The following AGO4 variants were observed in gnomAD, a reference collection of about 807,000 sequenced individuals.
The protein encoded by AGO4 is protein argonaute-4.
Under a neutral mutation model 104.7 loss-of-function variants are expected in AGO4, and 33 were observed. The ratio of observed to expected loss-of-function variants is 0.32; its 90% CI spans 0.24 to 0.42. The LOEUF is 0.42. Ranked by LOEUF, AGO4 falls within the 10% of genes least tolerant of loss-of-function variation. AGO4 has a pLI of 1.00. For missense variants in AGO4, 711 were observed against 1,083.4 expected (o/e 0.66, Z 4.83); for synonymous variants, 331 against 364.7 (o/e 0.91, Z 1.05).
intron 1 of AGO4, among the ~76,000 whole-genome samples, chr1:35,811,680 T>C (rs1051882413): frequency 4.7e-4 from 72 of 152,116 alleles, no homozygotes; most frequent in Non-Finnish European, 9.9e-4. Context: ...CTCGGCTCAC[T>C]GCAGCCTCCA....
rs983739321 is a variant in AGO4, at chr1:35,857,402, G to C, written c.*3797G>C. ...CTTTCTACGTCTAGTGGCTGAAAATGTTTGCATTTGTTCATTTGACTAATG... is the reference window on the plus strand; with the variant it reads ...CTTTCTACGTCTAGTGGCTGAAAATCTTTGCATTTGTTCATTTGACTAATG... On this transcript the variant is annotated 3_prime_UTR_variant, in exon 18 of 18. Transcript: ENST00000373210. 1 of 152,148 alleles carries C rather than the reference G, an allele frequency of 6.6e-6. No individual in the cohort carries two copies. The highest frequency in any genetic ancestry group is 1.5e-5 in the Non-Finnish European group (1 of 68,020). The allele number at this position is 152,148 out of a possible 1,614,324, so 9.4% of individuals were successfully genotyped here.
chr1:35,818,653 GAAAGA>G (rs1643798365), intron 2 of AGO4, among the ~76,000 whole-genome samples: 1 of 108,394 alleles, frequency 9.2e-6, no homozygotes, highest in Non-Finnish European at 2.0e-5. Context: ...AAGAAAGAAA[GAAAGA>G]AAGGAAGAAA....
Position 35,853,706 on chromosome 1 carries a change from GTCT to G in AGO4, c.*105_*107del, listed in dbSNP as rs1279465390. 1.5e-5 allele frequency: 14 copies of G among 919,508 alleles called. No individual in the cohort carries two copies. Among genetic ancestry groups the G allele is most frequent in the Non-Finnish European group, 5.1e-6 (3 of 587,246 alleles). The allele number at this position is 919,508 out of a possible 1,614,324, so 57.0% of individuals were successfully genotyped here. On this transcript the variant is annotated 3_prime_UTR_variant, in exon 18 of 18. Transcript: ENST00000373210. ...GATCGAGCCACGTTGACTTCAGGTGGTCTTCTACCAGCAGCTCGGAATAGTTGC... is the reference window on the plus strand; with the variant it reads ...GATCGAGCCACGTTGACTTCAGGTGGTCTACCAGCAGCTCGGAATAGTTGC...
intron 1 of AGO4, among the ~76,000 whole-genome samples, chr1:35,810,376 A>T (rs1189361254): frequency 1.3e-5 from 2 of 152,144 alleles, no homozygotes; most frequent in Admixed American, 1.3e-4. Flanking sequence ...GCACACCTGG[A>T]TCTAGTGCTT....
Position 35,853,982 on chromosome 1 carries a change from T to C in AGO4, c.*377T>C, listed in dbSNP as rs1644765532. ...AAGAGAAGATTATTCCTTTTTTCTGTAGTCATTGAGTGGGGTATATGCATA... is the reference window on the plus strand; with the variant it reads ...AAGAGAAGATTATTCCTTTTTTCTGCAGTCATTGAGTGGGGTATATGCATA... On this transcript the variant is annotated 3_prime_UTR_variant, in exon 18 of 18. Transcript: ENST00000373210. The C allele has an allele frequency of 6.3e-6, 1 of 158,534 alleles. No individual in the cohort carries two copies. The highest frequency in any genetic ancestry group is 2.4e-5 in the African/African-American group (1 of 41,626). The allele number at this position is 158,534 out of a possible 1,614,324, so 9.8% of individuals were successfully genotyped here.
intron 1 of AGO4, among the ~76,000 whole-genome samples, chr1:35,809,399 A>G (rs1383779252): frequency 6.6e-6 from 1 of 152,184 alleles, no homozygotes; most frequent in Non-Finnish European, 1.5e-5. Context: ...TAATGAACTT[A>G]GTCGTAGAGT....
intron 2 of AGO4, among the ~76,000 whole-genome samples, chr1:35,822,253 A>G (rs1410442131): frequency 6.6e-6 from 1 of 151,584 alleles, no homozygotes; most frequent in Non-Finnish European, 1.5e-5. Flanking sequence ...TATCCAAGAT[A>G]GGTTATTCTT....
chr1:35,841,572 T>G lies in AGO4; in HGVS notation c.2041-44T>G. Reference sequence around the variant, plus strand: ...CATTCTGGGTAGATCTGAGAGATACTAGGCAAATTCTCAATTAAACATAAT... The same window carrying G: ...CATTCTGGGTAGATCTGAGAGATACGAGGCAAATTCTCAATTAAACATAAT... On this transcript the variant is annotated intron_variant, in intron 14 of 17. Coordinates refer to ENST00000373210, the MANE Select transcript of AGO4 (RefSeq NM_017629.4). This position sits in a 1 kb window ranked among gnomAD's most constrained non-coding sequence, Gnocchi z 4.7. 1 of 1,613,482 alleles carries G rather than the reference T, an allele frequency of 6.2e-7. No homozygotes were observed. The highest frequency in any genetic ancestry group is 8.5e-7 in the Non-Finnish European group (1 of 1,179,582).
chr1:35,841,811 C>CATATATATATATATATACATATAT lies in AGO4; in HGVS notation c.2175+78_2175+79insCATATATATATATATATATATATA. 1.7e-6 allele frequency: 1 copy of CATATATATATATATATACATATAT among 604,670 alleles called. No individual in the cohort carries two copies. The allele number at this position is 604,670 out of a possible 1,614,324, so 37.5% of individuals were successfully genotyped here. Reference sequence around the variant, plus strand: ...CTCTGGCAAGAGATGTATATATGCACATATATATATATATATATATATATA... The same window carrying CATATATATATATATATACATATAT: ...CTCTGGCAAGAGATGTATATATGCACATATATATATATATATACATATATATATATATATATATATATATATATA... On this transcript the variant is annotated intron_variant, in intron 15 of 17. Transcript: ENST00000373210. This position sits in a 1 kb window ranked among gnomAD's most constrained non-coding sequence, Gnocchi z 4.7.
intron 15 of AGO4, among the ~76,000 whole-genome samples, chr1:35,847,173 TAA>T (rs961924988): frequency 2.1e-5 from 3 of 144,954 alleles, no homozygotes; most frequent in Non-Finnish European, 1.5e-5. Flanking sequence ...GCTGATGGGC[TAA>T]AAAAAAAAAT....
rs1341477193 is a variant in AGO4, at chr1:35,841,624, G to C, written c.2049G>C (p.Trp683Cys). The change falls in exon 15 of 18, where the codon TGG becomes TGC. Residue 683 changes from tryptophan (W) to cysteine (C), a missense_variant. Physicochemically the swap from Trp to Cys is radical, Grantham distance 215. Transcript: ENST00000373210. The surrounding 1 kb of genome is among the most constrained non-coding windows in gnomAD (Gnocchi z 4.7). ...VSEGQMKQVA[W>C]PELIAIRKAC... ...CCATTTCTGTCTTCTAGGTAGCTTG[G>C]CCAGAACTAATAGCAATTCGAAAGG... is the stretch of plus-strand genomic sequence containing the variant. The C allele has an allele frequency of 1.2e-6, 2 of 1,613,972 alleles. No homozygotes were observed. The highest frequency in any genetic ancestry group is 1.7e-5 in the Admixed American group (1 of 59,974).
chr1:35,850,380 A>C, intron 16 of AGO4, 122 bp downstream of exon 16: 2 of 808,540 alleles, frequency 2.5e-6, no homozygotes, highest in South Asian at 2.8e-5. Flanking sequence ...TGTATCCTAG[A>C]ATTATCTTTT....
chr1:35,813,136 G>A (rs979267680), intron 1 of AGO4, among the ~76,000 whole-genome samples: 1 of 152,060 alleles, frequency 6.6e-6, no homozygotes, highest in Non-Finnish European at 1.5e-5. Context: ...TGGGCCGGGC[G>A]CAGTGGCTCA....
chr1:35,841,765 T>C lies in AGO4; in HGVS notation c.2175+15T>C. On this transcript the variant is annotated intron_variant, in intron 15 of 17. Transcript: ENST00000373210. The surrounding 1 kb of genome is among the most constrained non-coding windows in gnomAD (Gnocchi z 4.7). ...AAACAGAAAGGGTAAGAAGATATAATATAAGCTTTGTTATCTGAGGCTCTG... is the reference window on the plus strand; with the variant it reads ...AAACAGAAAGGGTAAGAAGATATAACATAAGCTTTGTTATCTGAGGCTCTG... 1 of 1,610,872 alleles carries C rather than the reference T, an allele frequency of 6.2e-7. No individual in the cohort carries two copies. The highest frequency in any genetic ancestry group is 2.2e-5 in the East Asian group (1 of 44,794).
At chr1:35,830,824 A>T (rs1163537283) in intron 7 of AGO4, among the ~76,000 whole-genome samples, 1 of 151,806 alleles carries the variant, frequency 6.6e-6, no homozygotes, top group Non-Finnish European at 1.5e-5. Context: ...AAAAATACAA[A>T]AATTATAGGT....
upstream of AGO4, among the ~76,000 whole-genome samples, chr1:35,807,892 G>T (rs553709517): frequency 9.2e-5 from 14 of 152,156 alleles, no homozygotes; most frequent in African/African-American, 2.9e-4. Flanking sequence ...GCCCTGGGGG[G>T]ATGGCACGTA....
chr1:35,815,549 A>C (rs1156922125), intron 1 of AGO4, among the ~76,000 whole-genome samples: 2 of 152,216 alleles, frequency 1.3e-5, no homozygotes, highest in Non-Finnish European at 2.9e-5. Context: ...TTTTTAGATA[A>C]TTTAATATGA....
chr1:35,832,420 T>TC lies in AGO4; in HGVS notation c.1246-17_1246-16insC. ...TGTTTCTTCTTCTTCTTCTTCTTCT[T>TC]TTTTTTTTTTTCAAAGAATAAAACA... is the stretch of plus-strand genomic sequence containing the variant. On this transcript the variant is annotated splice_polypyrimidine_tract_variant and intron_variant, in intron 10 of 17. Coordinates refer to ENST00000373210, the MANE Select transcript of AGO4 (RefSeq NM_017629.4). The TC allele has an allele frequency of 3.5e-6, 5 of 1,410,986 alleles. No individual in the cohort carries two copies. The highest frequency in any genetic ancestry group is 4.8e-6 in the Non-Finnish European group (5 of 1,052,572). 87.4% of individuals were successfully genotyped at this position (1,410,986 alleles called of 1,614,324 possible).
chr1:35,832,785 T>C (rs547683580), intron 11 of AGO4, among the ~76,000 whole-genome samples: 10 of 152,202 alleles, frequency 6.6e-5, no homozygotes, highest in Non-Finnish European at 1.2e-4. Flanking sequence ...AGCAGAAATT[T>C]GTGAGTAACA....
Sources: allele counts gnomAD v4.1 joint callset (sites outside exome capture counted in the v4.1 genomes callset), GRCh38; gene constraint gnomAD v4.1.1; non-coding constraint Gnocchi (gnomAD v3.1); transcripts MANE v1.5; gene names NCBI Gene and HGNC (gene_info 2026-07-23, HGNC 2026-07-21).